The following PPP1R42 variants were observed in gnomAD, a reference collection of about 807,000 sequenced individuals.
PPP1R42 encodes the protein protein phosphatase 1 regulatory subunit 42, also known as leucine rich repeat containing 67.
Under a neutral mutation model 31.0 loss-of-function variants are expected in PPP1R42, and 34 were observed. That is an observed-to-expected ratio of 1.10 (90% CI 0.83 to 1.46). PPP1R42 has a LOEUF of 1.46. PPP1R42 is among the 40% of genes most tolerant of loss of function. PPP1R42 has a pLI of 0.00. For synonymous variants in PPP1R42, 103 were observed against 109.8 expected, an observed-to-expected ratio of 0.94 and a Z score of 0.39; for missense variants, 268 against 303.0, an observed-to-expected ratio of 0.88 and a Z score of 0.86.
intron 6 of PPP1R42, chr8:66,986,055 T>A (rs1286990285): frequency 4.0e-6 from 3 of 744,534 alleles, no homozygotes; most frequent in African/African-American, 3.4e-5. Flanking sequence ...GGGAGTAGAA[T>A]CATCAAGAAA....
intron 5 of PPP1R42, among the ~76,000 whole-genome samples, chr8:67,003,175 A>AG (rs1815557976): frequency 6.6e-6 from 1 of 150,646 alleles, no homozygotes; most frequent in African/African-American, 2.4e-5. Flanking sequence ...TCAAAAAAAA[A>AG]AAAAAAAAAA....
intron 7 of PPP1R42, among the ~76,000 whole-genome samples, chr8:66,976,065 G>A (rs1169924717): frequency 1.3e-5 from 2 of 152,082 alleles, no homozygotes; most frequent in Admixed American, 6.6e-5. Flanking sequence ...TCCATAACTC[G>A]CATTACCACC....
rs574420016 is a variant in PPP1R42 at position 67,008,087 on chromosome 8, C to T, written c.552+2628G>A. Among the ~76,000 whole-genome samples, 674 of 151,848 alleles carry T rather than the reference C, an allele frequency of 4.4e-3. 9 individuals are homozygous for T. Among genetic ancestry groups the T allele is most frequent in the African/African-American group, 0.015 (638 of 41,396 alleles). ...ATTTTTAGTAGAGATGGGGTTTCAC[C>T]GTGTTAGCCAGGTTCGTCTCGATCT... On this transcript the variant is annotated intron_variant, in intron 5 of 7. Transcript: ENST00000685739.
chr8:67,007,552 A>G (rs1815723332), intron 5 of PPP1R42, among the ~76,000 whole-genome samples: 1 of 152,092 alleles, frequency 6.6e-6, no homozygotes, highest in African/African-American at 2.4e-5. Context: ...TCGCCACGTC[A>G]GCCAGGGTGA....
At chr8:66,980,303 T>G (rs1412546713) in intron 7 of PPP1R42, among the ~76,000 whole-genome samples, 1 of 152,098 alleles carries the variant, frequency 6.6e-6, no homozygotes, top group Non-Finnish European at 1.5e-5. Context: ...TCATGCTCAC[T>G]ACAGCCTTGA....
chr8:67,018,735 A>G, intron 1 of PPP1R42, among the ~76,000 whole-genome samples: 1 of 134,326 alleles, frequency 7.4e-6, no homozygotes, highest in South Asian at 2.4e-4. Context: ...CTGGTCTTGA[A>G]CTCCTGACCT....
intron 1 of PPP1R42, among the ~76,000 whole-genome samples, chr8:67,024,254 A>G (rs1432686965): frequency 2.6e-5 from 4 of 152,256 alleles, no homozygotes; most frequent in African/African-American, 9.6e-5. Context: ...TGGTTATGAA[A>G]TGTTTTTCTT....
intron 7 of PPP1R42, among the ~76,000 whole-genome samples, chr8:66,980,379 A>C (rs566432224): frequency 6.6e-6 from 1 of 152,090 alleles, no homozygotes; most frequent in South Asian, 2.1e-4. Flanking sequence ...GGCACATGCC[A>C]CCATGCCTGG....
chr8:66,979,739 T>C (rs190625999), intron 7 of PPP1R42, among the ~76,000 whole-genome samples: 1 of 152,294 alleles, frequency 6.6e-6, no homozygotes. Context: ...TTTTTTCTAT[T>C]TCTGTGAAAA....
intron 1 of PPP1R42, among the ~76,000 whole-genome samples, chr8:67,024,001 C>T (rs969946716): frequency 6.6e-6 from 1 of 151,832 alleles, no homozygotes; most frequent in African/African-American, 2.4e-5. Flanking sequence ...AAAAAATTAG[C>T]CGGGCATGGT....
At chr8:66,981,335 G>A (rs1485206081) in intron 7 of PPP1R42, among the ~76,000 whole-genome samples, 1 of 151,152 alleles carries the variant, frequency 6.6e-6, no homozygotes, top group Non-Finnish European at 1.5e-5. Flanking sequence ...ATGTGGTCGT[G>A]ATATATTTTT....
At chr8:66,978,069 T>C (rs1366526294) in intron 7 of PPP1R42, among the ~76,000 whole-genome samples, 4 of 152,200 alleles carry the variant, frequency 2.6e-5, no homozygotes, top group Non-Finnish European at 5.9e-5. Flanking sequence ...CCAGCTGTAT[T>C]AGTCCATTTT....
intron 4 of PPP1R42, among the ~76,000 whole-genome samples, chr8:67,012,615 C>A (rs1815876521): frequency 6.6e-6 from 1 of 152,184 alleles, no homozygotes; most frequent in African/African-American, 2.4e-5. Context: ...TCTCCTTAGG[C>A]ATTTTCCTAA....
At chr8:67,009,202 G>A (rs190859804) in intron 5 of PPP1R42, among the ~76,000 whole-genome samples, 143 of 148,982 alleles carry the variant, frequency 9.6e-4, no homozygotes, top group Non-Finnish European at 1.6e-3. Context: ...CCTGGGAGGC[G>A]GAGGTTTCAG....
At chr8:67,016,076 T>TC (rs1361777386) in intron 2 of PPP1R42, among the ~76,000 whole-genome samples, 1 of 151,856 alleles carries the variant, frequency 6.6e-6, no homozygotes, top group Admixed American at 6.6e-5. Context: ...AGGTAGAGAG[T>TC]TCTGGGCAAC....
intron 5 of PPP1R42, among the ~76,000 whole-genome samples, chr8:67,008,578 C>T (rs891488853): frequency 4.6e-5 from 7 of 151,930 alleles, no homozygotes; most frequent in African/African-American, 1.7e-4. Context: ...CGTGGTGGCA[C>T]ATGCCTGTAA....
intron 1 of PPP1R42, among the ~76,000 whole-genome samples, chr8:67,022,299 G>C (rs2129537189): frequency 6.6e-6 from 1 of 152,244 alleles, no homozygotes. Context: ...GCCATGTGGA[G>C]TTTCTCTTCT....
chr8:66,972,036 T>C (rs1379732608), intron 7 of PPP1R42, among the ~76,000 whole-genome samples: 3 of 152,234 alleles, frequency 2.0e-5, no homozygotes, highest in Non-Finnish European at 4.4e-5. Context: ...AGGTATACTG[T>C]AGATTTTGAA....
chr8:67,027,939 GTTT>G (rs1054275486), intron 1 of PPP1R42, among the ~76,000 whole-genome samples: 1 of 151,948 alleles, frequency 6.6e-6, no homozygotes, highest in African/African-American at 2.4e-5. Context: ...TTTTGTTGGT[GTTT>G]TTTGTTTTTT....
Sources: gnomAD v4.1 joint callset for allele counts (sites outside exome capture counted in the v4.1 genomes callset) on GRCh38, gnomAD v4.1.1 for gene constraint, MANE v1.5 for transcripts, NCBI Gene and HGNC (gene_info 2026-07-23, HGNC 2026-07-21) for gene names.